Variants in PPIE observed in about 807,000 individuals in gnomAD.
PPIE encodes peptidylprolyl isomerase E.
A neutral mutation model predicts 38.4 loss-of-function variants in PPIE; 20 were observed. That is an observed-to-expected ratio of 0.52 (90% CI 0.37 to 0.76). PPIE has a LOEUF of 0.76. PPIE is among the 30% of genes least tolerant of loss of function. The pLI is 0.00. For missense variants in PPIE, 322 were observed against 385.8 expected (o/e 0.83, Z 1.39); for synonymous variants, 142 against 135.7 (o/e 1.05, Z -0.32).
chr1:39,749,348 A>G (rs1183857253), intron 8 of PPIE, among the ~76,000 whole-genome samples: 3 of 151,448 alleles, frequency 2.0e-5, no homozygotes. Context: ...GCAGGCTCTT[A>G]TGCTCTCAAC....
intron 2 of PPIE, among the ~76,000 whole-genome samples, chr1:39,740,508 T>C (rs1647032149): frequency 6.6e-6 from 1 of 152,196 alleles, no homozygotes; most frequent in African/African-American, 2.4e-5. Context: ...GATTTTTCAA[T>C]AGACCAGTAG....
At position 39,753,455 on chromosome 1, in the gene PPIE, G is replaced by A; in HGVS notation, c.*100G>A. The A allele has an allele frequency of 6.5e-7, 1 of 1,543,324 alleles. No homozygotes were observed. The highest frequency in any genetic ancestry group is 8.7e-7 in the Non-Finnish European group (1 of 1,146,360). On this transcript the variant is annotated 3_prime_UTR_variant, in exon 10 of 10. Transcript: ENST00000324379. ...GCAGCACCGAGGGTGCCTGTTTGAAGCAAGCAGCATTTGGGATATGTGCCC... is the reference window on the plus strand; with the variant it reads ...GCAGCACCGAGGGTGCCTGTTTGAAACAAGCAGCATTTGGGATATGTGCCC...
At position 39,745,461 on chromosome 1, in the gene PPIE, G is replaced by A. The variant is rs1647174816; in HGVS notation, c.471G>A (p.Gln157=). 2 of 1,614,134 alleles carry A rather than the reference G, an allele frequency of 1.2e-6. No homozygotes were observed. Among genetic ancestry groups the A allele is most frequent in the East Asian group, 2.2e-5 (1 of 44,904 alleles). The stretch of plus-strand genomic sequence containing the variant: ...GGAACAAGCCGGCTGGCCGCATCCA[G>A]ATGCTCCTGCGTTCTGATGTCGTGC... ...KIGNKPAGRI[Q]MLLRSDVVPM... is the part of the protein sequence containing the mutation. Residue 157 remains glutamine, a synonymous_variant, in exon 7 of 10, where the codon CAG becomes CAA. Coordinates refer to ENST00000324379, the MANE Select transcript of PPIE (RefSeq NM_006112.4).
At position 39,753,710 on chromosome 1, in the gene PPIE, C is replaced by T; in HGVS notation, c.*355C>T. The T allele has an allele frequency of 2.9e-6, 3 of 1,051,108 alleles. No homozygotes were observed. Among genetic ancestry groups the T allele is most frequent in the Non-Finnish European group, 3.4e-6 (3 of 871,784 alleles). 65.1% of individuals were successfully genotyped at this position (1,051,108 alleles called of 1,614,324 possible). ...AAACCCTAGTTCTTATATTGCTCTT[C>T]CTGCTAGTTCTTGGGAGTTGTCAGA... On this transcript the variant is annotated 3_prime_UTR_variant, in exon 10 of 10. Transcript: ENST00000324379.
Position 39,756,468 on chromosome 1 carries a change from G to A in PPIE, c.*3113G>A. The stretch of plus-strand genomic sequence containing the variant: ...ATGGCAGGCCCAGGATCAGTGCTGT[G>A]GCTGTTGGAGTGTCCTCTCCAACAG... On this transcript the variant is annotated 3_prime_UTR_variant, in exon 10 of 10. Transcript: ENST00000324379. 1 of 985,410 alleles carries A rather than the reference G, an allele frequency of 1.0e-6. No homozygotes were observed. Among genetic ancestry groups the A allele is most frequent in the Non-Finnish European group, 1.2e-6 (1 of 829,924 alleles). The allele number at this position is 985,410 out of a possible 1,614,324, so 61.0% of individuals were successfully genotyped here.
intron 8 of PPIE, among the ~76,000 whole-genome samples, chr1:39,750,341 G>C (rs924764251): frequency 1.3e-5 from 2 of 152,090 alleles, no homozygotes; most frequent in South Asian, 4.1e-4. Flanking sequence ...CCAAAAATAC[G>C]AGTAGCCAGT....
chr1:39,749,770 T>C (rs1006370078), intron 8 of PPIE, among the ~76,000 whole-genome samples: 1 of 152,154 alleles, frequency 6.6e-6, no homozygotes, highest in African/African-American at 2.4e-5. Context: ...CTTCTTGTAA[T>C]CCATTTCCCC....
chr1:39,753,912 G>A lies in PPIE; in HGVS notation c.*557G>A, dbSNP rs151287633. 4 of 985,350 alleles carry A rather than the reference G, an allele frequency of 4.1e-6. No individual in the cohort carries two copies. The highest frequency in any genetic ancestry group is 3.5e-5 in the African/African-American group (2 of 57,324). 61.0% of individuals were successfully genotyped at this position (985,350 alleles called of 1,614,324 possible). On this transcript the variant is annotated 3_prime_UTR_variant, in exon 10 of 10. Coordinates refer to ENST00000324379, the MANE Select transcript of PPIE (RefSeq NM_006112.4). ...CGGAAATTAAAGACTGGAAAGCTCCGGTCTTCTGCTGCCTCTGCTCCTAAA... is the reference window on the plus strand; with the variant it reads ...CGGAAATTAAAGACTGGAAAGCTCCAGTCTTCTGCTGCCTCTGCTCCTAAA...
intron 9 of PPIE, 31 bp downstream of exon 9, chr1:39,753,083 C>G: frequency 6.2e-7 from 1 of 1,613,434 alleles, no homozygotes; most frequent in Non-Finnish European, 8.5e-7. Flanking sequence ...CTCCTCCTTA[C>G]CCAGGCCCTA....
chr1:39,760,525 G>A (rs778533929), downstream of PPIE: 8 of 1,613,950 alleles, frequency 5.0e-6, no homozygotes, highest in Admixed American at 1.7e-5. Flanking sequence ...CTTGGTGGGT[G>A]CACAGCACGC....
intron 8 of PPIE, among the ~76,000 whole-genome samples, chr1:39,751,771 C>A (rs770898345): frequency 5.7e-4 from 87 of 152,130 alleles, no homozygotes; most frequent in Non-Finnish European, 1.1e-3. Flanking sequence ...GTAGCACCCC[C>A]ACAATATTTC....
Position 39,754,954 on chromosome 1 carries a change from A to G in PPIE, c.*1599A>G, listed in dbSNP as rs1049830827. The stretch of plus-strand genomic sequence containing the variant: ...GCCAAATTGACACACAAAATAGACC[A>G]TCACAGTCCCAAGGCCTAAAATACT... On this transcript the variant is annotated 3_prime_UTR_variant, in exon 10 of 10. Coordinates refer to ENST00000324379, the MANE Select transcript of PPIE (RefSeq NM_006112.4). 1 of 957,422 alleles carries G rather than the reference A, an allele frequency of 1.0e-6. No homozygotes were observed. The highest frequency in any genetic ancestry group is 1.8e-5 in the African/African-American group (1 of 56,694). The allele number at this position is 957,422 out of a possible 1,614,324, so 59.3% of individuals were successfully genotyped here. A position where few individuals can be genotyped will look rare whatever the true frequency, so the allele number is the denominator to read the frequency against.
At chr1:39,760,759 A>AT (rs1164902972), downstream of PPIE, among the ~76,000 whole-genome samples, 2 of 152,136 alleles carry the variant, frequency 1.3e-5, no homozygotes, top group African/African-American at 4.8e-5. Flanking sequence ...AGCTGTAGTA[A>AT]CACGCAGTGC....
downstream of PPIE, chr1:39,760,634 C>CCCACCCCAGCT (rs1553126507): frequency 6.5e-7 from 1 of 1,546,562 alleles, no homozygotes; most frequent in African/African-American, 1.4e-5. Flanking sequence ...CCCACCCAGC[C>CCCACCCCAGCT]CCACCCCAGC....
In PPIE at chr1:39,752,900, T is replaced by C. The variant is rs1368547756; in HGVS notation, c.695-10T>C. 1 of 1,609,070 alleles carries C rather than the reference T, an allele frequency of 6.2e-7. No individual in the cohort carries two copies. The highest frequency in any genetic ancestry group is 2.2e-5 in the East Asian group (1 of 44,820). The stretch of plus-strand genomic sequence containing the variant: ...GGGTTCGGGGAGCTGATGGTTGTTC[T>C]CTCCCTCAGGTCTACTATCCATGGC... On this transcript the variant is annotated splice_polypyrimidine_tract_variant and intron_variant, in intron 8 of 9. Coordinates refer to ENST00000324379, the MANE Select transcript of PPIE (RefSeq NM_006112.4).
At chr1:39,741,261 T>TC in intron 2 of PPIE, 105 bp from the exon 3 acceptor site, 1 of 910,852 alleles carries the variant, frequency 1.1e-6, no homozygotes, top group Non-Finnish European at 1.8e-6. Context: ...GGATAGAACT[T>TC]CTGGTGTTTG....
chr1:39,754,703 GA>G lies in PPIE; in HGVS notation c.*1356del, dbSNP rs1198037417. On this transcript the variant is annotated 3_prime_UTR_variant, in exon 10 of 10. Transcript: ENST00000324379. ...GTAGAGACCCCCATCTCTAGGGGGA[GA>G]AAAAAAAGCCAGGTATGGTAGTGCA... Among the ~76,000 whole-genome samples the G allele has an allele frequency of 6.6e-6, 1 of 151,778 alleles. No individual in the cohort carries two copies. The highest frequency in any genetic ancestry group is 1.5e-5 in the Non-Finnish European group (1 of 67,938).
chr1:39,762,788 G>A lies in PPIE; in HGVS notation c.838-901G>A, dbSNP rs900084345. On this transcript the variant is annotated intron_variant, in intron 9 of 9. Coordinates refer to the PPIE transcript ENST00000356511. ...TGTACACATCTGTTTCATGTGCTGT[G>A]CCTCTGAGCGCTGCACACAGGTGCG... is the stretch of plus-strand genomic sequence containing the variant. 1.6e-5 allele frequency: 21 copies of A among 1,284,376 alleles called. No homozygotes were observed. The African/African-American group carries it at 3.0e-4, about 18-fold the overall frequency. The allele number at this position is 1,284,376 out of a possible 1,614,324, so 79.6% of individuals were successfully genotyped here.
Position 39,753,301 on chromosome 1 carries a change from G to C in PPIE, c.852G>C (p.Lys284Asn). 1 of 1,614,206 alleles carries C rather than the reference G, an allele frequency of 6.2e-7. No homozygotes were observed. The highest frequency in any genetic ancestry group is 1.1e-5 in the South Asian group (1 of 91,082). ...VLRQIEAQGS[K>N]DGKPKQKVII... ...CTGCCACAAAGGCCCAGGGCAGCAA[G>C]GACGGGAAGCCAAAGCAGAAGGTGA... The change falls in exon 10 of 10, where the codon AAG becomes AAC. Residue 284 changes from lysine (K) to asparagine (N), a missense_variant. Physicochemically the swap from Lys to Asn is moderately conservative, Grantham distance 94. Coordinates refer to ENST00000324379, the MANE Select transcript of PPIE (RefSeq NM_006112.4).
Sources: gnomAD v4.1 joint callset for allele counts (sites outside exome capture counted in the v4.1 genomes callset) on GRCh38, gnomAD v4.1.1 for gene constraint, MANE v1.5 for transcripts, NCBI Gene and HGNC (gene_info 2026-07-23, HGNC 2026-07-21) for gene names.